Variants in NTN4 observed in about 807,000 individuals in gnomAD.
NTN4 encodes the protein netrin-4.
NTN4 carries 32 observed loss-of-function variants against 73.6 expected under a neutral mutation model. That is an observed-to-expected ratio of 0.44 (90% CI 0.33 to 0.58). NTN4 has a LOEUF of 0.58. NTN4 is among the 20% of genes least tolerant of loss of function. The probability of loss-of-function intolerance (pLI) is 0.04; values close to 1 mark genes in which losing one functional copy is unlikely to be tolerated. For synonymous variants in NTN4, 258 were observed against 287.5 expected, an observed-to-expected ratio of 0.90 and a Z score of 1.04; for missense variants, 654 against 798.3, an observed-to-expected ratio of 0.82 and a Z score of 2.18.
intron 7 of NTN4, among the ~76,000 whole-genome samples, chr12:95,677,850 G>A (rs2078284897): frequency 6.6e-6 from 1 of 152,168 alleles, no homozygotes; most frequent in African/African-American, 2.4e-5. Flanking sequence ...ACACCCAAAG[G>A]ATTCTAAATC....
chr12:95,667,586 G>A (rs1369597681), intron 8 of NTN4, among the ~76,000 whole-genome samples: 1 of 152,088 alleles, frequency 6.6e-6, no homozygotes, highest in Non-Finnish European at 1.5e-5. Context: ...CAGGTGCAGG[G>A]ACTCATGCCT....
chr12:95,688,490 A>G (rs1369483428), intron 5 of NTN4, among the ~76,000 whole-genome samples: 1 of 151,932 alleles, frequency 6.6e-6, no homozygotes, highest in African/African-American at 2.4e-5. Flanking sequence ...GGGAAAGAGA[A>G]TGAGTTTAGG....
chr12:95,680,022 C>T (rs1002939958), intron 7 of NTN4, among the ~76,000 whole-genome samples: 2 of 152,176 alleles, frequency 1.3e-5, no homozygotes, highest in African/African-American at 4.8e-5. Flanking sequence ...TCAAATGTCA[C>T]CTTTCAAAGG....
chr12:95,720,384 T>G (rs2078638886), intron 3 of NTN4, among the ~76,000 whole-genome samples: 1 of 152,196 alleles, frequency 6.6e-6, no homozygotes, highest in Non-Finnish European at 1.5e-5. Flanking sequence ...GCAAATTCCC[T>G]AAGAAAACGG....
intron 5 of NTN4, among the ~76,000 whole-genome samples, chr12:95,687,963 G>A (rs2468371): frequency 0.34 from 51,641 of 151,820 alleles, 9,013 homozygotes; most frequent in East Asian, 0.49. Flanking sequence ...TGAGTAGAAA[G>A]CAGTTGAAGG....
intron 5 of NTN4, among the ~76,000 whole-genome samples, chr12:95,693,339 G>C (rs2078415829): frequency 6.6e-6 from 1 of 151,692 alleles, no homozygotes; most frequent in Admixed American, 6.6e-5. Flanking sequence ...TAGCCTCCTT[G>C]CCTTTGTATC....
At chr12:95,693,758 GA>G (rs1367094275) in intron 5 of NTN4, among the ~76,000 whole-genome samples, 6 of 147,608 alleles carry the variant, frequency 4.1e-5, no homozygotes, top group South Asian at 4.3e-4. Context: ...AAAAGAAAAA[GA>G]AAAAAAATTA....
chr12:95,727,022 G>A (rs2078700293), intron 3 of NTN4, among the ~76,000 whole-genome samples: 1 of 152,022 alleles, frequency 6.6e-6, no homozygotes, highest in Non-Finnish European at 1.5e-5. Context: ...CACAGCAGCA[G>A]TAGCATTTTA....
chr12:95,778,905 C>T (rs1026490782), intron 2 of NTN4, among the ~76,000 whole-genome samples: 4 of 152,024 alleles, frequency 2.6e-5, no homozygotes, highest in African/African-American at 9.7e-5. Context: ...TGCAAAAATC[C>T]TCAATAAAAT....
At chr12:95,731,924 T>C (rs1049357425) in intron 3 of NTN4, among the ~76,000 whole-genome samples, 3 of 152,210 alleles carry the variant, frequency 2.0e-5, no homozygotes, top group African/African-American at 7.2e-5. Context: ...GTAGTTGTTA[T>C]GGAGATTAAA....
In NTN4 at chr12:95,692,425, A is replaced by C. The variant is rs998301176; in HGVS notation, c.1181-8714T>G. On this transcript the variant is annotated intron_variant, in intron 5 of 9. Transcript: ENST00000343702. ...AACAGATGAGGTAGAGGAAATGAGTACTTTACAAAAGATTTCACAACAGAT... is the reference window on the plus strand; with the variant it reads ...AACAGATGAGGTAGAGGAAATGAGTCCTTTACAAAAGATTTCACAACAGAT... Among the ~76,000 whole-genome samples the C allele has an allele frequency of 6.6e-5, 10 of 152,374 alleles. No individual in the cohort carries two copies. In the East Asian group the frequency reaches 1.9e-3, roughly 29 times the overall value.
rs1457349749 is a variant in NTN4 at position 95,789,544 on chromosome 12, G to A, written c.55+711C>T. Among the ~76,000 whole-genome samples, 2 of 152,174 alleles carry A rather than the reference G, an allele frequency of 1.3e-5. No homozygotes were observed. Among genetic ancestry groups the A allele is most frequent in the Non-Finnish European group, 2.9e-5 (2 of 68,030 alleles). On this transcript the variant is annotated intron_variant, in intron 1 of 9. Transcript: ENST00000343702. This position sits in a 1 kb window ranked among gnomAD's most constrained non-coding sequence, Gnocchi z 4.0. Reference sequence around the variant, plus strand: ...AGGGCAGCCCAAGAAAGCCAGGATGGGAGTGGGAGGGAGAGGGCATCTGCC... The same window carrying A: ...AGGGCAGCCCAAGAAAGCCAGGATGAGAGTGGGAGGGAGAGGGCATCTGCC...
chr12:95,783,121 A>G (rs1167107017), intron 2 of NTN4, among the ~76,000 whole-genome samples: 1 of 152,192 alleles, frequency 6.6e-6, no homozygotes, highest in Non-Finnish European at 1.5e-5. Flanking sequence ...GAGTCCTGAT[A>G]TCCAGGGATG....
At chr12:95,679,831 C>T (rs1483143274) in intron 7 of NTN4, among the ~76,000 whole-genome samples, 1 of 152,072 alleles carries the variant, frequency 6.6e-6, no homozygotes, top group Non-Finnish European at 1.5e-5. Context: ...TCTGCAGCCT[C>T]GTTATATTTC....
intron 3 of NTN4, among the ~76,000 whole-genome samples, chr12:95,719,027 G>A (rs2078627588): frequency 6.6e-6 from 1 of 152,024 alleles, no homozygotes; most frequent in African/African-American, 2.4e-5. Context: ...AATTATTCTA[G>A]GAATGTCTGA....
At chr12:95,762,751 T>A (rs377399427) in intron 2 of NTN4, among the ~76,000 whole-genome samples, 1 of 152,202 alleles carries the variant, frequency 6.6e-6, no homozygotes, top group Non-Finnish European at 1.5e-5. Flanking sequence ...GAGATTTATA[T>A]AGGAGAGCTG....
chr12:95,737,968 A>G lies in NTN4; in HGVS notation c.762T>C (p.Tyr254=), dbSNP rs900200357. 2 of 1,613,960 alleles carry G rather than the reference A, an allele frequency of 1.2e-6. No homozygotes were observed. The highest frequency in any genetic ancestry group is 1.7e-6 in the Non-Finnish European group (2 of 1,179,976). Reference sequence around the variant, plus strand: ...AGCAGCTGCCCTTGACAATGAAATCATAGATTGCATAGTGTGTAAAATGTT... The same window carrying G: ...AGCAGCTGCCCTTGACAATGAAATCGTAGATTGCATAGTGTGTAAAATGTT... The part of the protein sequence containing the change: ...EPQHFTHYAI[Y]DFIVKGSCFC... The change falls in exon 3 of 10, where the codon TAT becomes TAC. Residue 254 remains tyrosine, a synonymous_variant. Coordinates refer to ENST00000343702, the MANE Select transcript of NTN4 (RefSeq NM_021229.4).
chr12:95,697,933 G>A (rs894415904), intron 5 of NTN4, among the ~76,000 whole-genome samples: 1 of 152,076 alleles, frequency 6.6e-6, no homozygotes, highest in Non-Finnish European at 1.5e-5. Context: ...AATATTTGAG[G>A]AGAAACCCAG....
chr12:95,789,481 C>T lies in NTN4; in HGVS notation c.55+774G>A, dbSNP rs1372288047. On this transcript the variant is annotated intron_variant, in intron 1 of 9. Coordinates refer to ENST00000343702, the MANE Select transcript of NTN4 (RefSeq NM_021229.4). The surrounding 1 kb of genome is among the most constrained non-coding windows in gnomAD (Gnocchi z 4.0). ...GGGAGGGAGAGGAGCAGAAGGGGCT[C>T]CCGAATACAGAAACCACGAGCCAGG... Among the ~76,000 whole-genome samples, 1 of 152,166 alleles carries T rather than the reference C, an allele frequency of 6.6e-6. No individual in the cohort carries two copies. Among genetic ancestry groups the T allele is most frequent in the African/African-American group, 2.4e-5 (1 of 41,444 alleles).
Sources: allele counts gnomAD v4.1 joint callset (sites outside exome capture counted in the v4.1 genomes callset), GRCh38; gene constraint gnomAD v4.1.1; non-coding constraint Gnocchi (gnomAD v3.1); transcripts MANE v1.5; gene names NCBI Gene and HGNC (gene_info 2026-07-23, HGNC 2026-07-21).